AAMP: variants seen among roughly 807,000 people sequenced by gnomAD.
The protein encoded by AAMP is angio-associated migratory cell protein.
Under a neutral mutation model 51.1 loss-of-function variants are expected in AAMP, and 12 were observed. The observed-to-expected ratio is 0.23, with a 90% CI of 0.15 to 0.38. AAMP has a LOEUF of 0.38. Among genes scored for constraint, AAMP ranks in the 10% least tolerant of loss-of-function variants. The probability of loss-of-function intolerance (pLI) is 1.00; values close to 1 mark genes in which losing one functional copy is unlikely to be tolerated. For synonymous variants in AAMP, 210 were observed against 218.7 expected (o/e 0.96, Z 0.35); for missense variants, 418 against 557.2 (o/e 0.75, Z 2.52).
Position 218,265,838 on chromosome 2 carries a change from G to A in AAMP, c.872C>T (p.Thr291Ile). The change falls in exon 7 of 11, where the codon ACC (threonine) becomes ATC (isoleucine). Residue 291 changes from threonine to isoleucine, a missense_variant. By Grantham distance (89) the Thr-to-Ile change is moderately conservative. Coordinates refer to ENST00000248450, the MANE Select transcript of AAMP (RefSeq NM_001087.5). The surrounding 1 kb of genome is among the most constrained non-coding windows in gnomAD (Gnocchi z 6.6). The stretch of plus-strand genomic sequence containing the variant: ...GGCTCCAGGTCCACTCACCTTGCCG[G>A]TGGTGGCACTGACCAGCTTGGCCTG... The part of the protein sequence containing the change: ...DCQAKLVSAT[T>I]GKVVGVFRPE... 6.2e-7 allele frequency: 1 copy of A among 1,612,346 alleles called. No homozygotes were observed. Among genetic ancestry groups the A allele is most frequent in the Non-Finnish European group, 8.5e-7 (1 of 1,178,962 alleles).
intron 1 of AAMP, chr2:218,269,736 G>T: frequency 9.7e-7 from 1 of 1,026,810 alleles, no homozygotes; most frequent in South Asian, 1.5e-5. Flanking sequence ...GGAGGGCCAA[G>T]GGGATGATGG....
In AAMP at chr2:218,265,332, G is replaced by C; in HGVS notation, c.1074+39C>G. 1.3e-6 allele frequency: 2 copies of C among 1,539,318 alleles called. No homozygotes were observed. The highest frequency in any genetic ancestry group is 1.8e-6 in the Non-Finnish European group (2 of 1,134,432). On this transcript the variant is annotated intron_variant, in intron 9 of 10. Coordinates refer to ENST00000248450, the MANE Select transcript of AAMP (RefSeq NM_001087.5). The surrounding 1 kb of genome is among the most constrained non-coding windows in gnomAD (Gnocchi z 6.6). ...AGGCCTGGGCTTCCCCACCACTATG[G>C]ACACAGCCCACAGGGACCCCAGCTC...
intron 1 of AAMP, 69 bp downstream of exon 1, chr2:218,269,897 G>A: frequency 2.5e-6 from 4 of 1,604,186 alleles, no homozygotes; most frequent in Non-Finnish European, 3.4e-6. Flanking sequence ...GGGGAGCGGG[G>A]AAAAGCAGGA....
In AAMP at chr2:218,265,325, C is replaced by A. The variant is rs1690597908; in HGVS notation, c.1074+46G>T. 1 of 1,531,218 alleles carries A rather than the reference C, an allele frequency of 6.5e-7. No homozygotes were observed. The highest frequency in any genetic ancestry group is 8.9e-7 in the Non-Finnish European group (1 of 1,127,282). The allele number at this position is 1,531,218 out of a possible 1,614,324, so 94.9% of individuals were successfully genotyped here. Reference sequence around the variant, plus strand: ...CTCCTGGAGGCCTGGGCTTCCCCACCACTATGGACACAGCCCACAGGGACC... The same window carrying A: ...CTCCTGGAGGCCTGGGCTTCCCCACAACTATGGACACAGCCCACAGGGACC... On this transcript the variant is annotated intron_variant, in intron 9 of 10. Transcript: ENST00000248450. The surrounding 1 kb of genome is among the most constrained non-coding windows in gnomAD (Gnocchi z 6.6).
At chr2:218,268,504 A>C (rs987135662) in intron 2 of AAMP, among the ~76,000 whole-genome samples, 10 of 150,640 alleles carry the variant, frequency 6.6e-5, no homozygotes, top group African/African-American at 2.2e-4. Flanking sequence ...ACACCCAGCT[A>C]ATTTTTTTTT....
At position 218,267,087 on chromosome 2, in the gene AAMP, A is replaced by G; in HGVS notation, c.395-101T>C. The G allele has an allele frequency of 7.1e-7, 1 of 1,406,332 alleles. No individual in the cohort carries two copies. Among genetic ancestry groups the G allele is most frequent in the Non-Finnish European group, 9.8e-7 (1 of 1,017,914 alleles). 87.1% of individuals were successfully genotyped at this position (1,406,332 alleles called of 1,614,324 possible). A position where few individuals can be genotyped will look rare whatever the true frequency, so the allele number is the denominator to read the frequency against. ...TGGCCCACTGAAAGGACCAGCTAGG[A>G]AAAAAAGAGGGGCGGGACTGAGCAG... On this transcript the variant is annotated intron_variant, in intron 3 of 10. Coordinates refer to ENST00000248450, the MANE Select transcript of AAMP (RefSeq NM_001087.5). This position sits in a 1 kb window ranked among gnomAD's most constrained non-coding sequence, Gnocchi z 4.6.
rs892377049 is a variant in AAMP at position 218,266,834 on chromosome 2, C to T, written c.534+13G>A. The T allele has an allele frequency of 6.2e-6, 10 of 1,613,806 alleles. No homozygotes were observed. The Admixed American group carries it at 6.7e-5, about 11-fold the overall frequency. On this transcript the variant is annotated intron_variant, in intron 4 of 10. Transcript: ENST00000248450. This position sits in a 1 kb window ranked among gnomAD's most constrained non-coding sequence, Gnocchi z 4.7. ...AGGCCCCACAGAGCTGACTCCCGCT[C>T]TGATGATCTTACCTCCAGGTCTCCC...
chr2:218,265,780 GGA>G lies in AAMP; in HGVS notation c.879+49_879+50del, dbSNP rs754888518. On this transcript the variant is annotated intron_variant, in intron 7 of 10. Coordinates refer to ENST00000248450, the MANE Select transcript of AAMP (RefSeq NM_001087.5). The surrounding 1 kb of genome is among the most constrained non-coding windows in gnomAD (Gnocchi z 6.6). ...GAGACAGTGAAGACCCAGGAAGGAAGGAGAGGAGTCGGGAAAGCGGAGGCCCC... is the reference window on the plus strand; with the variant it reads ...GAGACAGTGAAGACCCAGGAAGGAAGGAGGAGTCGGGAAAGCGGAGGCCCC... 12 of 1,583,268 alleles carry G rather than the reference GGA, an allele frequency of 7.6e-6. No individual in the cohort carries two copies. The South Asian group carries it at 1.3e-4, about 18-fold the overall frequency.
chr2:218,268,843 C>T (rs539379136), intron 2 of AAMP, among the ~76,000 whole-genome samples: 3 of 152,004 alleles, frequency 2.0e-5, no homozygotes, highest in Admixed American at 1.3e-4. Flanking sequence ...GGACTACAGG[C>T]GCCCGCTACC....
chr2:218,264,969 C>G, intron 10 of AAMP, 51 bp downstream of exon 10: 1 of 1,610,738 alleles, frequency 6.2e-7, no homozygotes, highest in Non-Finnish European at 8.5e-7. Flanking sequence ...CTACATACTA[C>G]TGCCACCTTC....
chr2:218,265,987 T>TC lies in AAMP; in HGVS notation c.764-42dup. The TC allele has an allele frequency of 6.2e-7, 1 of 1,608,552 alleles. No homozygotes were observed. The highest frequency in any genetic ancestry group is 8.5e-7 in the Non-Finnish European group (1 of 1,175,212). On this transcript the variant is annotated intron_variant, in intron 6 of 10. Transcript: ENST00000248450. The surrounding 1 kb of genome is among the most constrained non-coding windows in gnomAD (Gnocchi z 6.6). ...GAGGCAGCTCAGGCTTCGTCCTACC[T>TC]CCCCTCTGAGTCCTGCCCCAGGTTC...
Position 218,267,529 on chromosome 2 carries a change from C to T in AAMP, c.359G>A (p.Arg120Gln), listed in dbSNP as rs757070703. ...AAAGAGCAGCTCCCCATCGCTGAGC[C>T]GCCATACGAAGGCTTTGTCATCTTC... ...GGEDDKAFVW[R>Q]LSDGELLFEC... is the part of the protein sequence containing the mutation. Residue 120 changes from arginine to glutamine, a missense_variant, in exon 3 of 11, where the codon CGG (arginine) becomes CAG (glutamine). Physicochemically the swap from Arg to Gln is conservative, Grantham distance 43. Coordinates refer to ENST00000248450, the MANE Select transcript of AAMP (RefSeq NM_001087.5). The surrounding 1 kb of genome is among the most constrained non-coding windows in gnomAD (Gnocchi z 4.6). 2.2e-5 allele frequency: 35 copies of T among 1,614,032 alleles called. No homozygotes were observed. Among genetic ancestry groups the T allele is most frequent in the African/African-American group, 2.7e-5 (2 of 74,902 alleles).
At position 218,265,294 on chromosome 2, in the gene AAMP, T is replaced by C; in HGVS notation, c.1074+77A>G. On this transcript the variant is annotated intron_variant, in intron 9 of 10. Coordinates refer to ENST00000248450, the MANE Select transcript of AAMP (RefSeq NM_001087.5). The surrounding 1 kb of genome is among the most constrained non-coding windows in gnomAD (Gnocchi z 6.6). ...GGCCAGGCAGGAGCCAGATCTGGGG[T>C]AGATGCTCCTGGAGGCCTGGGCTTC... 1 of 1,537,098 alleles carries C rather than the reference T, an allele frequency of 6.5e-7. No individual in the cohort carries two copies. Among genetic ancestry groups the C allele is most frequent in the South Asian group, 1.2e-5 (1 of 84,898 alleles).
In AAMP at chr2:218,265,782, A is replaced by C. The variant is rs1283037935; in HGVS notation, c.879+49T>G. ...GACAGTGAAGACCCAGGAAGGAAGG[A>C]GAGGAGTCGGGAAAGCGGAGGCCCC... On this transcript the variant is annotated intron_variant, in intron 7 of 10. Coordinates refer to ENST00000248450, the MANE Select transcript of AAMP (RefSeq NM_001087.5). The surrounding 1 kb of genome is among the most constrained non-coding windows in gnomAD (Gnocchi z 6.6). 1 of 1,584,202 alleles carries C rather than the reference A, an allele frequency of 6.3e-7. No individual in the cohort carries two copies. The highest frequency in any genetic ancestry group is 1.3e-5 in the African/African-American group (1 of 74,462).
chr2:218,267,686 G>A lies in AAMP; in HGVS notation c.275-73C>T. On this transcript the variant is annotated intron_variant, in intron 2 of 10. Coordinates refer to ENST00000248450, the MANE Select transcript of AAMP (RefSeq NM_001087.5). This position sits in a 1 kb window ranked among gnomAD's most constrained non-coding sequence, Gnocchi z 4.6. ...GGGCTCTGTCCTTCACAATCTTCAG[G>A]AAACCCACCCCCTTTCACCCAAAGC... is the stretch of plus-strand genomic sequence containing the variant. The A allele has an allele frequency of 1.3e-6, 2 of 1,577,836 alleles. No homozygotes were observed. Among genetic ancestry groups the A allele is most frequent in the Admixed American group, 3.4e-5 (2 of 58,786 alleles).
chr2:218,264,238 C>T lies in AAMP; in HGVS notation c.*295G>A, dbSNP rs781012603. 6.7e-6 allele frequency: 3 copies of T among 446,516 alleles called. 1 individual carries two copies. The South Asian group carries it at 1.1e-4, about 16-fold the overall frequency. 27.7% of individuals were successfully genotyped at this position (446,516 alleles called of 1,614,324 possible). A position where few individuals can be genotyped will look rare whatever the true frequency, so the allele number is the denominator to read the frequency against. On this transcript the variant is annotated 3_prime_UTR_variant, in exon 11 of 11. Transcript: ENST00000248450. ...AAAGAACGGGAACCTCAAACACCTA[C>T]TCCCCACATACAAATACACACCCCA...
chr2:218,267,958 GGTTTTTTGTTTTTT>G lies in AAMP; in HGVS notation c.275-359_275-346del, dbSNP rs140247601. ...AGAGCGAGGAGAGCATCACGTTAAG[GGTTTTTTGTTTTTT>G]GTTTTTTGTTTTTTGAGACAGAGTC... On this transcript the variant is annotated intron_variant, in intron 2 of 10. Coordinates refer to ENST00000248450, the MANE Select transcript of AAMP (RefSeq NM_001087.5). The surrounding 1 kb of genome is among the most constrained non-coding windows in gnomAD (Gnocchi z 4.6). 6.6e-6 allele frequency among the ~76,000 whole-genome samples: 1 copy of G among 151,900 alleles called. No homozygotes were observed. The highest frequency in any genetic ancestry group is 1.5e-5 in the Non-Finnish European group (1 of 67,984).
Position 218,270,096 on chromosome 2 carries a change from G to A in AAMP, c.-10C>T, listed in dbSNP as rs28372705. The A allele has an allele frequency of 6.3e-4, 1,023 of 1,613,654 alleles. 11 individuals carry two copies. The East Asian group carries it at 8.8e-3, about 14-fold the overall frequency. On this transcript the variant is annotated 5_prime_UTR_variant, in exon 1 of 11. Transcript: ENST00000248450. Reference sequence around the variant, plus strand: ...CCGATTCGGACTCCATGCGGCGCAAGCGGCGGATCCACTTCTCTGGGCCCA... The same window carrying A: ...CCGATTCGGACTCCATGCGGCGCAAACGGCGGATCCACTTCTCTGGGCCCA...
intron 2 of AAMP, among the ~76,000 whole-genome samples, chr2:218,268,464 G>A (rs1690687633): frequency 6.6e-6 from 1 of 151,762 alleles, no homozygotes; most frequent in Non-Finnish European, 1.5e-5. Flanking sequence ...TCAGCCTCCG[G>A]AGTAGCTGGG....
Sources: gnomAD v4.1 joint callset for allele counts (sites outside exome capture counted in the v4.1 genomes callset) on GRCh38, gnomAD v4.1.1 for gene constraint, Gnocchi (gnomAD v3.1) non-coding constraint, MANE v1.5 for transcripts, NCBI Gene and HGNC (gene_info 2026-07-23, HGNC 2026-07-21) for gene names.